MED13L: variants seen among roughly 807,000 people sequenced by gnomAD.
MED13L encodes mediator complex subunit 13L.
Under a neutral mutation model 220.9 loss-of-function variants are expected in MED13L, and 7 were observed. That is an observed-to-expected ratio of 0.03 (90% CI 0.02 to 0.06). The LOEUF is 0.06. MED13L is among the 10% of genes least tolerant of loss of function. The pLI is 1.00. For synonymous variants in MED13L, 1,011 were observed against 1,015.2 expected (o/e 1.00, Z 0.08); for missense variants, 1,965 against 2,760.5 (o/e 0.71, Z 6.46).
At chr12:116,207,615 T>A (rs1818056) in intron 2 of MED13L, among the ~76,000 whole-genome samples, 1 of 151,842 alleles carries the variant, frequency 6.6e-6, no homozygotes, top group Non-Finnish European at 1.5e-5. Flanking sequence ...TGTATTTATA[T>A]CATGGGATAA....
intron 4 of MED13L, among the ~76,000 whole-genome samples, chr12:116,066,922 A>C (rs1869983936): frequency 6.6e-6 from 1 of 152,208 alleles, no homozygotes; most frequent in African/African-American, 2.4e-5. Flanking sequence ...AACTGACTCT[A>C]TTAAGTTTAA....
chr12:115,977,420 T>C (rs1293887862), intron 23 of MED13L, among the ~76,000 whole-genome samples: 2 of 152,180 alleles, frequency 1.3e-5, no homozygotes, highest in East Asian at 1.9e-4. Flanking sequence ...ACTCATCAAT[T>C]CACTCTCCAC....
Position 116,132,694 on chromosome 12 carries a change from G to C in MED13L, c.311-21182C>G, listed in dbSNP as rs1412205116. ...CCAACACTTTGGGAGGCCGAGGTGGGTGGATCTTTGGGGTCAGGAGTTCGA... is the reference window on the plus strand; with the variant it reads ...CCAACACTTTGGGAGGCCGAGGTGGCTGGATCTTTGGGGTCAGGAGTTCGA... On this transcript the variant is annotated intron_variant, in intron 2 of 30. Coordinates refer to ENST00000281928, the MANE Select transcript of MED13L (RefSeq NM_015335.5). Among the ~76,000 whole-genome samples, 3 of 152,112 alleles carry C rather than the reference G, an allele frequency of 2.0e-5. No individual in the cohort carries two copies. The East Asian group carries it at 5.8e-4, about 29-fold the overall frequency.
chr12:116,066,411 T>C (rs1245888295), intron 4 of MED13L, among the ~76,000 whole-genome samples: 2 of 152,176 alleles, frequency 1.3e-5, no homozygotes. Flanking sequence ...TTTATTTTCA[T>C]GGGATTAAGA....
In MED13L at chr12:116,194,103, T is replaced by C. The variant is rs188732287; in HGVS notation, c.310+43365A>G. ...ATGTAAATGACAAAAGAAGAGAAGA[T>C]GACGGAAGGGTATTTAAAAAAACAA... is the stretch of plus-strand genomic sequence containing the variant. On this transcript the variant is annotated intron_variant, in intron 2 of 30. Coordinates refer to ENST00000281928, the MANE Select transcript of MED13L (RefSeq NM_015335.5). Among the ~76,000 whole-genome samples the C allele has an allele frequency of 9.6e-4, 147 of 152,340 alleles. 1 individual carries two copies. The highest frequency in any genetic ancestry group is 3.4e-3 in the African/African-American group (142 of 41,578).
At chr12:116,070,644 CAG>C (rs1382666151) in intron 4 of MED13L, among the ~76,000 whole-genome samples, 13 of 152,194 alleles carry the variant, frequency 8.5e-5, no homozygotes, top group Non-Finnish European at 1.3e-4. Context: ...ATAAACCACA[CAG>C]TGCCCAGAAT....
At chr12:116,198,103 C>G (rs561179836) in intron 2 of MED13L, among the ~76,000 whole-genome samples, 1 of 152,152 alleles carries the variant, frequency 6.6e-6, no homozygotes, top group South Asian at 2.1e-4. Flanking sequence ...ACTTTCCTTC[C>G]ACACACCAAG....
chr12:116,003,788 T>C lies in MED13L; in HGVS notation c.2470-686A>G, dbSNP rs534164627. Reference sequence around the variant, plus strand: ...TTTATACTTATACAATGTCACAACATTGAAATGTAAAATTAAAATTAAATT... The same window carrying C: ...TTTATACTTATACAATGTCACAACACTGAAATGTAAAATTAAAATTAAATT... On this transcript the variant is annotated intron_variant, in intron 13 of 30. Transcript: ENST00000281928. Among the ~76,000 whole-genome samples the C allele has an allele frequency of 2.6e-4, 39 of 152,262 alleles. No homozygotes were observed. In the South Asian group the frequency reaches 6.6e-3, roughly 26 times the overall value.
intron 1 of MED13L, among the ~76,000 whole-genome samples, chr12:116,246,114 G>A (rs749358929): frequency 7.9e-5 from 12 of 151,594 alleles, no homozygotes; most frequent in Admixed American, 4.6e-4. Context: ...ACTCCAAAAT[G>A]CTAAAGAATT....
intron 1 of MED13L, among the ~76,000 whole-genome samples, chr12:116,261,456 C>T (rs1392038962): frequency 6.7e-6 from 1 of 149,132 alleles, no homozygotes; most frequent in East Asian, 2.0e-4. Flanking sequence ...GAGATTGTGC[C>T]GCTGTACTCC....
chr12:116,191,098 AAAAAAAAAAG>A (rs1881249622), intron 2 of MED13L, among the ~76,000 whole-genome samples: 1 of 151,706 alleles, frequency 6.6e-6, no homozygotes, highest in Admixed American at 6.6e-5. Flanking sequence ...TCTCAAAAAA[AAAAAAAAAAG>A]AAAAGAAAAG....
chr12:116,130,946 T>C (rs575569045), intron 2 of MED13L, among the ~76,000 whole-genome samples: 1 of 152,358 alleles, frequency 6.6e-6, no homozygotes, highest in East Asian at 1.9e-4. Context: ...AGTGACATTT[T>C]CACTTAAACA....
intron 2 of MED13L, among the ~76,000 whole-genome samples, chr12:116,189,710 C>T (rs1489958902): frequency 2.6e-5 from 4 of 152,102 alleles, no homozygotes; most frequent in Non-Finnish European, 5.9e-5. Flanking sequence ...GCAACCACTC[C>T]AATAGCAATG....
Position 116,153,316 on chromosome 12 carries a change from A to C in MED13L, c.311-41804T>G, listed in dbSNP as rs185848780. ...TTCTCAGTCTATTTGCCAAGAGCTT[A>C]TGGTGGCAGCTAAAAGCCAAAATGT... On this transcript the variant is annotated intron_variant, in intron 2 of 30. Transcript: ENST00000281928. 1.6e-3 allele frequency among the ~76,000 whole-genome samples: 244 copies of C among 152,278 alleles called. 1 individual carries two copies. The highest frequency in any genetic ancestry group is 5.5e-3 in the African/African-American group (230 of 41,566).
At chr12:116,228,058 C>T (rs1259256763) in intron 2 of MED13L, among the ~76,000 whole-genome samples, 1 of 151,942 alleles carries the variant, frequency 6.6e-6, no homozygotes, top group Non-Finnish European at 1.5e-5. Flanking sequence ...AAGATCACAC[C>T]AGCCACCATA....
intron 4 of MED13L, among the ~76,000 whole-genome samples, chr12:116,079,213 TTGGTGG>T (rs149724662): frequency 4.0e-5 from 6 of 151,750 alleles, no homozygotes; most frequent in South Asian, 2.1e-4. Flanking sequence ...TCAGTTTTAT[TTGGTGG>T]TGGTGGTGGT....
intron 2 of MED13L, among the ~76,000 whole-genome samples, chr12:116,116,413 G>C (rs1039037345): frequency 6.6e-6 from 1 of 152,150 alleles, no homozygotes; most frequent in Admixed American, 6.5e-5. Flanking sequence ...GAGGTTCTTG[G>C]AGGGTGGCGC....
At chr12:115,966,332 T>C (rs1876158295) in intron 28 of MED13L, 89 bp from the exon 29 acceptor site, 17 of 1,408,786 alleles carry the variant, frequency 1.2e-5, no homozygotes, top group Non-Finnish European at 1.2e-5. Flanking sequence ...CACACTGCAG[T>C]GAGTGATCCC....
intron 1 of MED13L, among the ~76,000 whole-genome samples, chr12:116,272,077 T>C (rs550392419): frequency 1.2e-4 from 18 of 152,320 alleles, no homozygotes; most frequent in African/African-American, 3.8e-4. Context: ...AAATAAACAA[T>C]TTTTCTGTTG....
Sources: gnomAD v4.1 joint callset for allele counts (sites outside exome capture counted in the v4.1 genomes callset) on GRCh38, gnomAD v4.1.1 for gene constraint, MANE v1.5 for transcripts, NCBI Gene and HGNC (gene_info 2026-07-23, HGNC 2026-07-21) for gene names.